STRN: variants seen among roughly 807,000 people sequenced by gnomAD.
STRN encodes the protein striatin.
A neutral mutation model predicts 96.3 loss-of-function variants in STRN; 53 were observed. The observed-to-expected ratio is 0.55, with a 90% CI of 0.44 to 0.69. STRN has a LOEUF of 0.69. Ranked by LOEUF, STRN falls within the 30% of genes least tolerant of loss-of-function variation. STRN has a pLI of 0.00. For missense variants in STRN, 987 were observed against 963.9 expected (o/e 1.02, Z -0.32); for synonymous variants, 428 against 355.9 (o/e 1.20, Z -2.28).
Position 36,849,444 on chromosome 2 carries a change from T to A in STRN, c.*12A>T. On this transcript the variant is annotated 3_prime_UTR_variant, in exon 18 of 18. Transcript: ENST00000263918. Reference sequence around the variant, plus strand: ...CTTATAAACAGCTAGAAGGTGAAGATGATGCATTGCGTCATACAAAGACTT... The same window carrying A: ...CTTATAAACAGCTAGAAGGTGAAGAAGATGCATTGCGTCATACAAAGACTT... The A allele has an allele frequency of 6.2e-7, 1 of 1,613,428 alleles. No individual in the cohort carries two copies. The highest frequency in any genetic ancestry group is 8.5e-7 in the Non-Finnish European group (1 of 1,179,620).
At chr2:36,859,235 T>C (rs1490076031) in intron 13 of STRN, among the ~76,000 whole-genome samples, 2 of 152,102 alleles carry the variant, frequency 1.3e-5, no homozygotes, top group African/African-American at 4.8e-5. Context: ...AGCTTGGTAG[T>C]AGTACAGAAG....
intron 1 of STRN, among the ~76,000 whole-genome samples, chr2:36,953,103 G>GT (rs751761022): frequency 5.3e-5 from 8 of 152,168 alleles, no homozygotes; most frequent in African/African-American, 1.2e-4. Context: ...AATGAAACCT[G>GT]TGTGTTCAGT....
At chr2:36,909,441 C>T (rs887283948) in intron 3 of STRN, among the ~76,000 whole-genome samples, 3 of 151,904 alleles carry the variant, frequency 2.0e-5, no homozygotes, top group African/African-American at 7.3e-5. Flanking sequence ...CCTGCTGAAC[C>T]AACTATAAAA....
At position 36,845,769 on chromosome 2, in the gene STRN, A is replaced by G. The variant is rs546866743; in HGVS notation, c.*3687T>C. ...CACATTCAAAATTCTTGGAAAGTAT[A>G]TATGGTGCTCAGAAGAGCACAAAGC... On this transcript the variant is annotated 3_prime_UTR_variant, in exon 18 of 18. Coordinates refer to ENST00000263918, the MANE Select transcript of STRN (RefSeq NM_003162.4). 25 of 152,202 alleles carry G rather than the reference A, an allele frequency of 1.6e-4. No homozygotes were observed. Among genetic ancestry groups the G allele is most frequent in the Admixed American group, 7.9e-4 (12 of 15,262 alleles). 9.4% of individuals were successfully genotyped at this position (152,202 alleles called of 1,614,324 possible).
intron 14 of STRN, 29 bp from the exon 15 acceptor site, chr2:36,855,381 G>T: frequency 6.2e-7 from 1 of 1,604,900 alleles, no homozygotes; most frequent in Non-Finnish European, 8.5e-7. Context: ...AAATAGAATG[G>T]CAATTAAACC....
chr2:36,906,788 G>C (rs1341487572), intron 3 of STRN, among the ~76,000 whole-genome samples: 1 of 151,996 alleles, frequency 6.6e-6, no homozygotes, highest in Non-Finnish European at 1.5e-5. Context: ...ATTAGTGGTG[G>C]TGGGTGCCTA....
rs1443758690 is a variant in STRN, at chr2:36,844,674, T to A, written c.*4782A>T. 4 of 152,050 alleles carry A rather than the reference T, an allele frequency of 2.6e-5. No individual in the cohort carries two copies. The highest frequency in any genetic ancestry group is 5.9e-5 in the Non-Finnish European group (4 of 67,990). The allele number at this position is 152,050 out of a possible 1,614,324, so 9.4% of individuals were successfully genotyped here. ...GGGATCTGTTTGGCCTAACATTTGTTTTTTTTAGAATTAAAAAAACAAAAC... is the reference window on the plus strand; with the variant it reads ...GGGATCTGTTTGGCCTAACATTTGTATTTTTTAGAATTAAAAAAACAAAAC... On this transcript the variant is annotated 3_prime_UTR_variant, in exon 18 of 18. Coordinates refer to ENST00000263918, the MANE Select transcript of STRN (RefSeq NM_003162.4).
chr2:36,940,836 CAAAAAAAAA>C (rs56996485), intron 1 of STRN, among the ~76,000 whole-genome samples: 9 of 46,572 alleles, frequency 1.9e-4, no homozygotes, highest in Non-Finnish European at 4.8e-4. Context: ...GACTCTGTCT[CAAAAAAAAA>C]AAAAAAAAAA....
At chr2:36,923,901 A>G (rs538100081) in intron 2 of STRN, among the ~76,000 whole-genome samples, 6 of 152,350 alleles carry the variant, frequency 3.9e-5, no homozygotes, top group East Asian at 1.9e-4. Flanking sequence ...AAGCAAATAA[A>G]TAACTCATAT....
intron 16 of STRN, 120 bp downstream of exon 16, chr2:36,850,880 T>C (rs917059213): frequency 1.1e-5 from 7 of 634,278 alleles, no homozygotes; most frequent in South Asian, 6.1e-5. Context: ...GGGAGAGTAT[T>C]TGGGGTTCAG....
At chr2:36,918,054 G>C (rs1572673596) in intron 2 of STRN, among the ~76,000 whole-genome samples, 1 of 152,076 alleles carries the variant, frequency 6.6e-6, no homozygotes, top group Non-Finnish European at 1.5e-5. Flanking sequence ...GACTATTTTT[G>C]CTGTTATTTG....
Position 36,846,335 on chromosome 2 carries a change from T to C in STRN, c.*3121A>G, listed in dbSNP as rs1247341015. The C allele has an allele frequency of 1.4e-5, 2 of 140,736 alleles. No individual in the cohort carries two copies. The highest frequency in any genetic ancestry group is 5.3e-5 in the African/African-American group (2 of 37,454). 8.7% of individuals were successfully genotyped at this position (140,736 alleles called of 1,614,324 possible). Reference sequence around the variant, plus strand: ...TCATCATACTCATCATTATCTGCTGTGTATACTACCTCCAAAAATGAAAAT... The same window carrying C: ...TCATCATACTCATCATTATCTGCTGCGTATACTACCTCCAAAAATGAAAAT... On this transcript the variant is annotated 3_prime_UTR_variant, in exon 18 of 18. Transcript: ENST00000263918.
At chr2:36,956,181 C>T (rs889753857) in intron 1 of STRN, among the ~76,000 whole-genome samples, 1 of 152,172 alleles carries the variant, frequency 6.6e-6, no homozygotes, top group South Asian at 2.1e-4. Flanking sequence ...TTGGCTTCTA[C>T]AATAGGACTT....
intron 9 of STRN, among the ~76,000 whole-genome samples, chr2:36,882,547 A>C (rs1669102569): frequency 6.6e-6 from 1 of 152,128 alleles, no homozygotes; most frequent in African/African-American, 2.4e-5. Context: ...CAGTTGGATC[A>C]CTTGAGCCCA....
intron 7 of STRN, 78 bp from the exon 8 acceptor site, chr2:36,886,904 T>TGTG: frequency 9.2e-7 from 1 of 1,092,012 alleles, no homozygotes; most frequent in Non-Finnish European, 1.3e-6. Flanking sequence ...CTGAATGACG[T>TGTG]AACAACCACT....
chr2:36,948,741 C>T (rs1664678170), intron 1 of STRN, among the ~76,000 whole-genome samples: 1 of 151,998 alleles, frequency 6.6e-6, no homozygotes, highest in South Asian at 2.1e-4. Flanking sequence ...GGTAGCACAC[C>T]CTAATTGCCA....
intron 7 of STRN, among the ~76,000 whole-genome samples, chr2:36,892,754 C>G (rs1669433086): frequency 1.3e-5 from 2 of 152,170 alleles, no homozygotes; most frequent in Admixed American, 1.3e-4. Context: ...GGAGCAGTGG[C>G]TCATGCTTGA....
chr2:36,853,420 T>A (rs893914911), intron 15 of STRN, among the ~76,000 whole-genome samples: 2 of 152,232 alleles, frequency 1.3e-5, no homozygotes, highest in African/African-American at 4.8e-5. Flanking sequence ...TAGCCTCAAT[T>A]GCTTTGAGAG....
At chr2:36,866,122 TGG>T (rs1668615837) in intron 12 of STRN, among the ~76,000 whole-genome samples, 1 of 152,182 alleles carries the variant, frequency 6.6e-6, no homozygotes, top group Non-Finnish European at 1.5e-5. Flanking sequence ...TTTCCCAGGC[TGG>T]TGTGCAGTGG....
Sources: allele counts gnomAD v4.1 joint callset (sites outside exome capture counted in the v4.1 genomes callset), GRCh38; gene constraint gnomAD v4.1.1; transcripts MANE v1.5; gene names NCBI Gene and HGNC (gene_info 2026-07-23, HGNC 2026-07-21).